FERMT2: variants seen among roughly 807,000 people sequenced by gnomAD.
The protein encoded by FERMT2 is FERM domain containing kindlin 2.
FERMT2 carries 15 observed loss-of-function variants against 82.7 expected under a neutral mutation model. That is an observed-to-expected ratio of 0.18 (90% confidence interval 0.12 to 0.28). The LOEUF is 0.28. Ranked by LOEUF, FERMT2 falls within the 10% of genes least tolerant of loss-of-function variation. The pLI is 1.00. For missense variants in FERMT2, 645 were observed against 809.4 expected, an observed-to-expected ratio of 0.80 and a Z score of 2.46; for synonymous variants, 274 against 271.5, an observed-to-expected ratio of 1.01 and a Z score of -0.09.
At chr14:52,879,965 C>A (rs368175277) in intron 6 of FERMT2, among the ~76,000 whole-genome samples, 5 of 152,076 alleles carry the variant, frequency 3.3e-5, no homozygotes, top group African/African-American at 1.2e-4. Context: ...AAAATGTAGA[C>A]CTAAGAAAAA....
intron 4 of FERMT2, among the ~76,000 whole-genome samples, chr14:52,887,783 G>T (rs992148853): frequency 1.3e-5 from 2 of 151,952 alleles, no homozygotes; most frequent in African/African-American, 2.4e-5. Context: ...ACTAAGTAAC[G>T]AAAATTACTT....
chr14:52,859,913 G>A (rs1566713327), intron 13 of FERMT2, 199 bp from the exon 14 acceptor site: 1 of 336,750 alleles, frequency 3.0e-6, no homozygotes. Flanking sequence ...CGCCTCCTGG[G>A]TTCACGCCAT....
intron 2 of FERMT2, among the ~76,000 whole-genome samples, chr14:52,946,228 C>CT (rs1406319507): frequency 6.6e-6 from 1 of 152,076 alleles, no homozygotes; most frequent in Non-Finnish European, 1.5e-5. Context: ...AATTGGGCCT[C>CT]TTCTTGACAA....
chr14:52,908,206 TG>T (rs1888124359), intron 3 of FERMT2, among the ~76,000 whole-genome samples: 1 of 152,180 alleles, frequency 6.6e-6, no homozygotes, highest in East Asian at 1.9e-4. Context: ...ACAGAGCAAC[TG>T]GAACTCTCAA....
At position 52,860,789 on chromosome 14, in the gene FERMT2, A is replaced by G. The variant is rs760325960; in HGVS notation, c.1603-324T>C. On this transcript the variant is annotated intron_variant, in intron 12 of 14. Coordinates refer to ENST00000341590, the MANE Select transcript of FERMT2 (RefSeq NM_006832.3). ...ACAGCACATTCTAATCCACATATAC[A>G]CGAGTTTTAATTAAATTTAGCACTA... 4 of 583,138 alleles carry G rather than the reference A, an allele frequency of 6.9e-6. No homozygotes were observed. In the South Asian group the frequency reaches 9.1e-5, roughly 13 times the overall value. 36.1% of individuals were successfully genotyped at this position (583,138 alleles called of 1,614,324 possible). A position where few individuals can be genotyped will look rare whatever the true frequency, so the allele number is the denominator to read the frequency against.
intron 3 of FERMT2, among the ~76,000 whole-genome samples, chr14:52,894,161 G>T (rs1464230108): frequency 6.6e-6 from 1 of 152,042 alleles, no homozygotes; most frequent in Non-Finnish European, 1.5e-5. Context: ...CAAATATTCT[G>T]CCCTGTATCA....
chr14:52,876,479 T>C (rs1019790380), intron 7 of FERMT2, among the ~76,000 whole-genome samples: 3 of 152,190 alleles, frequency 2.0e-5, no homozygotes, highest in Non-Finnish European at 4.4e-5. Flanking sequence ...TCTGCATTTT[T>C]ACTCACTGCT....
At chr14:52,881,899 T>A (rs1886323230) in intron 4 of FERMT2, 1 of 613,638 alleles carries the variant, frequency 1.6e-6, no homozygotes, top group Non-Finnish European at 2.4e-6. Context: ...AACAAAAGAA[T>A]GAAAAGAAAA....
chr14:52,887,602 A>G (rs1886687100), intron 4 of FERMT2, among the ~76,000 whole-genome samples: 1 of 151,958 alleles, frequency 6.6e-6, no homozygotes, highest in South Asian at 2.1e-4. Context: ...CTGAGGTGAA[A>G]GGATTACTTG....
intron 4 of FERMT2, among the ~76,000 whole-genome samples, chr14:52,885,257 G>A (rs921140516): frequency 8.6e-5 from 11 of 127,436 alleles, no homozygotes; most frequent in South Asian, 5.1e-4. Flanking sequence ...AGGTTGCAGT[G>A]AGCCAAGATC....
At chr14:52,865,593 C>T (rs1885225379) in intron 10 of FERMT2, among the ~76,000 whole-genome samples, 1 of 152,168 alleles carries the variant, frequency 6.6e-6, no homozygotes, top group South Asian at 2.1e-4. Flanking sequence ...AGATAATACA[C>T]TGTCAAAGCT....
chr14:52,924,300 A>G (rs1430073204), intron 2 of FERMT2, among the ~76,000 whole-genome samples: 1 of 152,168 alleles, frequency 6.6e-6, no homozygotes, highest in Non-Finnish European at 1.5e-5. Context: ...GTATGAGATA[A>G]GGCCCTAGAG....
chr14:52,877,874 CG>C (rs1196957935), intron 7 of FERMT2, among the ~76,000 whole-genome samples: 2 of 152,026 alleles, frequency 1.3e-5, no homozygotes, highest in Non-Finnish European at 2.9e-5. Flanking sequence ...AAGCATTACT[CG>C]GGTATCTGAA....
chr14:52,946,989 G>T (rs1890385507), intron 2 of FERMT2, among the ~76,000 whole-genome samples: 1 of 152,120 alleles, frequency 6.6e-6, no homozygotes, highest in Admixed American at 6.5e-5. Context: ...GGATTTTAGG[G>T]TGTTTTTCAC....
intron 3 of FERMT2, among the ~76,000 whole-genome samples, chr14:52,898,140 G>A (rs1242784317): frequency 6.6e-6 from 1 of 152,088 alleles, no homozygotes; most frequent in African/African-American, 2.4e-5. Context: ...GAACGAATAT[G>A]TGACCACAGA....
intron 10 of FERMT2, among the ~76,000 whole-genome samples, chr14:52,869,494 G>A (rs1171152697): frequency 2.6e-5 from 4 of 152,088 alleles, no homozygotes; most frequent in Admixed American, 6.6e-5. Context: ...ATACGACAGC[G>A]ACAATGCCCT....
intron 9 of FERMT2, 77 bp downstream of exon 9, chr14:52,874,100 A>C: frequency 1.1e-6 from 1 of 913,810 alleles, no homozygotes; most frequent in Non-Finnish European, 1.7e-6. Flanking sequence ...CAAACTTAAC[A>C]GTTAGTTTCA....
intron 4 of FERMT2, among the ~76,000 whole-genome samples, chr14:52,892,752 G>A (rs1231693553): frequency 6.6e-6 from 1 of 152,164 alleles, no homozygotes; most frequent in African/African-American, 2.4e-5. Context: ...CACCGCGCCT[G>A]GCCTTAAGTA....
At chr14:52,895,211 CAG>C (rs1454600155) in intron 3 of FERMT2, among the ~76,000 whole-genome samples, 1 of 152,204 alleles carries the variant, frequency 6.6e-6, no homozygotes, top group African/African-American at 2.4e-5. Context: ...CGTTACTACT[CAG>C]TGTCAGTGAG....
Sources: gnomAD v4.1 joint callset for allele counts (sites outside exome capture counted in the v4.1 genomes callset) on GRCh38, gnomAD v4.1.1 for gene constraint, MANE v1.5 for transcripts, NCBI Gene and HGNC (gene_info 2026-07-23, HGNC 2026-07-21) for gene names.